CENPP: variants seen among roughly 807,000 people sequenced by gnomAD.
The protein encoded by CENPP is centromere protein P.
Under a neutral mutation model 35.6 loss-of-function variants are expected in CENPP, and 24 were observed. The observed-to-expected ratio is 0.67, with a 90% CI of 0.49 to 0.95. The LOEUF is 0.95. Ranked by LOEUF, CENPP falls within the 40% of genes least tolerant of loss-of-function variation. CENPP has a pLI of 0.00. For missense variants in CENPP, 332 were observed against 345.3 expected (o/e 0.96, Z 0.31); for synonymous variants, 120 against 125.5 (o/e 0.96, Z 0.29).
intron 5 of CENPP, among the ~76,000 whole-genome samples, chr9:92,457,789 C>T (rs73520549): frequency 0.011 from 1,621 of 152,170 alleles, 32 homozygotes; most frequent in African/African-American, 0.037. Flanking sequence ...TACATACATA[C>T]GTACATACAT....
intron 1 of CENPP, among the ~76,000 whole-genome samples, chr9:92,330,198 A>T (rs2130774155): frequency 6.6e-6 from 1 of 152,336 alleles, no homozygotes; most frequent in South Asian, 2.1e-4. Flanking sequence ...GATAACTTCC[A>T]AGGTATAGAG....
intron 4 of CENPP, among the ~76,000 whole-genome samples, chr9:92,356,157 G>T (rs1841583899): frequency 6.6e-6 from 1 of 152,206 alleles, no homozygotes; most frequent in South Asian, 2.1e-4. Flanking sequence ...CTGATATGTG[G>T]AAGGATTAGA....
intron 4 of CENPP, among the ~76,000 whole-genome samples, chr9:92,375,507 A>G (rs1181241786): frequency 6.6e-6 from 1 of 151,748 alleles, no homozygotes; most frequent in Admixed American, 6.6e-5. Flanking sequence ...CACATTAGCT[A>G]GGCTGGTCTC....
At chr9:92,600,200 T>G in intron 5 of CENPP, 1 of 1,030,516 alleles carries the variant, frequency 9.7e-7, no homozygotes, top group Non-Finnish European at 1.3e-6. Context: ...CAACCATGTT[T>G]AGCTTGAGGT....
At chr9:92,572,591 A>G (rs1032545964) in intron 5 of CENPP, among the ~76,000 whole-genome samples, 5 of 152,138 alleles carry the variant, frequency 3.3e-5, no homozygotes, top group African/African-American at 4.8e-5. Flanking sequence ...CTCGAGGAGT[A>G]TCTTTGTGGC....
chr9:92,508,585 T>G (rs1847150324), intron 5 of CENPP, among the ~76,000 whole-genome samples: 2 of 152,368 alleles, frequency 1.3e-5, no homozygotes, highest in South Asian at 4.1e-4. Flanking sequence ...TGACACCCTT[T>G]GGTCTTCAGC....
chr9:92,434,938 G>C (rs1222522532), intron 5 of CENPP, among the ~76,000 whole-genome samples: 1 of 152,104 alleles, frequency 6.6e-6, no homozygotes, highest in Non-Finnish European at 1.5e-5. Context: ...TGTAATCCCA[G>C]CTACTCAGGA....
In CENPP at chr9:92,619,511, G is replaced by C; in HGVS notation, c.*6362G>C. 5 of 1,593,130 alleles carry C rather than the reference G, an allele frequency of 3.1e-6. No homozygotes were observed. The highest frequency in any genetic ancestry group is 4.3e-6 in the Non-Finnish European group (5 of 1,170,208). ...CTGGCATCCTGCAGACAGGGAGACAGTGCAATCATGATGGAGCAGTCCTTG... is the reference window on the plus strand; with the variant it reads ...CTGGCATCCTGCAGACAGGGAGACACTGCAATCATGATGGAGCAGTCCTTG... On this transcript the variant is annotated 3_prime_UTR_variant, in exon 8 of 8. Coordinates refer to ENST00000375587, the MANE Select transcript of CENPP (RefSeq NM_001012267.3).
At chr9:92,442,168 C>T (rs910806753) in intron 5 of CENPP, among the ~76,000 whole-genome samples, 12 of 151,928 alleles carry the variant, frequency 7.9e-5, no homozygotes, top group South Asian at 4.2e-4. Context: ...GAGGCCAAGG[C>T]GGGCAAATCT....
At chr9:92,526,332 G>A (rs1339505081) in intron 5 of CENPP, among the ~76,000 whole-genome samples, 1 of 152,176 alleles carries the variant, frequency 6.6e-6, no homozygotes, top group African/African-American at 2.4e-5. Context: ...ATGTATTTGT[G>A]TTTTAAGCCA....
chr9:92,343,931 C>G (rs1049422845), intron 3 of CENPP, among the ~76,000 whole-genome samples: 5 of 146,358 alleles, frequency 3.4e-5, no homozygotes, highest in African/African-American at 1.3e-4. Context: ...CGACTGCATT[C>G]CAGCCTGGGC....
At chr9:92,413,776 T>C (rs1443059270) in intron 5 of CENPP, among the ~76,000 whole-genome samples, 2 of 152,204 alleles carry the variant, frequency 1.3e-5, no homozygotes, top group African/African-American at 2.4e-5. Context: ...TGGAGTTTTC[T>C]TCATATTCAT....
chr9:92,564,223 C>A (rs1439792393), intron 5 of CENPP, among the ~76,000 whole-genome samples: 1 of 151,918 alleles, frequency 6.6e-6, no homozygotes, highest in African/African-American at 2.4e-5. Context: ...CCCATCTCTA[C>A]TAAAAACTAC....
At chr9:92,481,319 A>G (rs1271812148) in intron 5 of CENPP, among the ~76,000 whole-genome samples, 1 of 152,068 alleles carries the variant, frequency 6.6e-6, no homozygotes, top group Admixed American at 6.5e-5. Flanking sequence ...GGATCCTTTT[A>G]TGTGTGTGGG....
At chr9:92,334,048 GA>G (rs1234328183) in intron 2 of CENPP, among the ~76,000 whole-genome samples, 1 of 151,522 alleles carries the variant, frequency 6.6e-6, no homozygotes, top group Non-Finnish European at 1.5e-5. Flanking sequence ...GATTCTGTAA[GA>G]GTCGGTTTAC....
chr9:92,592,683 CCAAA>C (rs1402972929), intron 5 of CENPP, among the ~76,000 whole-genome samples: 14 of 152,112 alleles, frequency 9.2e-5, no homozygotes, highest in African/African-American at 2.4e-5. Context: ...GTACCTGTTT[CCAAA>C]CAGTTTTCCA....
intron 5 of CENPP, among the ~76,000 whole-genome samples, chr9:92,416,056 G>GTATATATATATATATA (rs1403964887): frequency 2.4e-5 from 2 of 83,452 alleles, no homozygotes; most frequent in African/African-American, 6.6e-5. Flanking sequence ...TTATATATGT[G>GTATATATATATATATA]TGTATATATA....
At chr9:92,504,498 T>C (rs1846875938) in intron 5 of CENPP, among the ~76,000 whole-genome samples, 1 of 152,144 alleles carries the variant, frequency 6.6e-6, no homozygotes, top group Admixed American at 6.5e-5. Flanking sequence ...CCAGTATGTA[T>C]AGACTCTCTG....
intron 5 of CENPP, among the ~76,000 whole-genome samples, chr9:92,451,590 T>A (rs552619782): frequency 6.6e-6 from 1 of 151,718 alleles, no homozygotes; most frequent in African/African-American, 2.4e-5. Context: ...GCTCTTTTTT[T>A]GGTTCCATAT....
Sources: allele counts gnomAD v4.1 joint callset (sites outside exome capture counted in the v4.1 genomes callset), GRCh38; gene constraint gnomAD v4.1.1; transcripts MANE v1.5; gene names NCBI Gene and HGNC (gene_info 2026-07-23, HGNC 2026-07-21).